The following TLL1 variants were observed in gnomAD, a reference collection of about 807,000 sequenced individuals.
TLL1 encodes tolloid-like protein 1.
TLL1 carries 49 observed loss-of-function variants against 128.2 expected under a neutral mutation model. The ratio of observed to expected loss-of-function variants is 0.38; its 90% confidence interval spans 0.30 to 0.48. The LOEUF (loss-of-function observed/expected upper bound fraction) is 0.48, where lower values mean the gene tolerates loss of function less well. Among genes scored for constraint, TLL1 ranks in the 20% least tolerant of loss-of-function variants. TLL1 has a pLI of 0.96. For synonymous variants in TLL1, 454 were observed against 418.8 expected, an observed-to-expected ratio of 1.08 and a Z score of -1.03; for missense variants, 1,123 against 1,242.0, an observed-to-expected ratio of 0.90 and a Z score of 1.44.
chr4:165,955,176 T>C (rs899674744), intron 1 of TLL1, among the ~76,000 whole-genome samples: 1 of 151,918 alleles, frequency 6.6e-6, no homozygotes, highest in African/African-American at 2.4e-5. Flanking sequence ...AAAAGAATCT[T>C]GGAGCTTGCA....
intron 16 of TLL1, among the ~76,000 whole-genome samples, chr4:166,072,895 T>A (rs1324168543): frequency 6.6e-6 from 1 of 152,100 alleles, no homozygotes; most frequent in Non-Finnish European, 1.5e-5. Flanking sequence ...ATTAGTCAAT[T>A]GCAAATGTGA....
At chr4:166,093,292 G>C (rs112557753) in intron 19 of TLL1, among the ~76,000 whole-genome samples, 18 of 152,206 alleles carry the variant, frequency 1.2e-4, no homozygotes, top group Admixed American at 3.3e-4. Flanking sequence ...TAGGAGAGCA[G>C]GGTGATAATA....
At chr4:165,931,798 G>A (rs901455264) in intron 1 of TLL1, among the ~76,000 whole-genome samples, 49 of 152,054 alleles carry the variant, frequency 3.2e-4, no homozygotes, top group African/African-American at 1.2e-3. Context: ...CTCATTTCAC[G>A]ATACCACACT....
intron 5 of TLL1, among the ~76,000 whole-genome samples, chr4:166,001,937 A>G (rs1737183200): frequency 6.6e-6 from 1 of 152,224 alleles, no homozygotes; most frequent in Admixed American, 6.5e-5. Context: ...TAAAAAATCA[A>G]TCTCAATTAT....
chr4:165,919,840 C>T, intron 1 of TLL1: 1 of 455,972 alleles, frequency 2.2e-6, no homozygotes, highest in Non-Finnish European at 4.4e-6. Flanking sequence ...CCAGACTGAC[C>T]ACTGCTCTAA....
chr4:166,006,586 G>T (rs1054589845), intron 6 of TLL1, among the ~76,000 whole-genome samples: 4 of 151,628 alleles, frequency 2.6e-5, no homozygotes, highest in Non-Finnish European at 4.4e-5. Flanking sequence ...TGTTATATTA[G>T]ACTTCAGATT....
intron 13 of TLL1, among the ~76,000 whole-genome samples, chr4:166,056,462 TG>T (rs1351280317): frequency 6.6e-6 from 1 of 151,816 alleles, no homozygotes; most frequent in East Asian, 1.9e-4. Context: ...TTTATTAAAA[TG>T]GGGTTATCAT....
intron 12 of TLL1, chr4:166,044,525 A>G (rs2111096303): frequency 3.7e-6 from 4 of 1,092,694 alleles, no homozygotes; most frequent in African/African-American, 1.6e-5. Context: ...AAAAAAATAT[A>G]TACTTTCTAC....
intron 1 of TLL1, among the ~76,000 whole-genome samples, chr4:165,984,891 C>A (rs1057246322): frequency 2.0e-5 from 3 of 151,832 alleles, no homozygotes; most frequent in Non-Finnish European, 2.9e-5. Context: ...AATATTTATT[C>A]TTGGAATAGT....
chr4:165,983,224 C>T (rs1374022654), intron 1 of TLL1, among the ~76,000 whole-genome samples: 1 of 151,772 alleles, frequency 6.6e-6, no homozygotes, highest in Admixed American at 6.6e-5. Flanking sequence ...TTAAAAATGT[C>T]CTGAGAAATC....
At chr4:165,945,858 G>A (rs1218387635) in intron 1 of TLL1, among the ~76,000 whole-genome samples, 4 of 152,074 alleles carry the variant, frequency 2.6e-5, no homozygotes, top group African/African-American at 9.7e-5. Flanking sequence ...GCTCTGAAGG[G>A]ACTCTGCAGA....
intron 6 of TLL1, among the ~76,000 whole-genome samples, chr4:166,005,613 G>A (rs996307348): frequency 4.6e-5 from 7 of 151,746 alleles, no homozygotes; most frequent in Admixed American, 2.0e-4. Flanking sequence ...TGAATGAGCC[G>A]ACTATCAAGA....
chr4:165,939,048 A>T (rs1384725492), intron 1 of TLL1, among the ~76,000 whole-genome samples: 2 of 150,890 alleles, frequency 1.3e-5, no homozygotes, highest in Non-Finnish European at 3.0e-5. Flanking sequence ...CAGCTATCTG[A>T]TGGTTCTTAA....
Position 165,894,842 on chromosome 4 carries a change from AGTGTGT to A in TLL1, c.169+20800_169+20805del, listed in dbSNP as rs34248657. ...GAATGCTAGATTTTGTCAAATGATGAGTGTGTGTGTGTGTGTGTGTGTGTGTGTGTG... is the reference window on the plus strand; with the variant it reads ...GAATGCTAGATTTTGTCAAATGATGAGTGTGTGTGTGTGTGTGTGTGTGTG... On this transcript the variant is annotated intron_variant, in intron 1 of 20. Coordinates refer to ENST00000061240, the MANE Select transcript of TLL1 (RefSeq NM_012464.5). Among the ~76,000 whole-genome samples the A allele has an allele frequency of 8.8e-3, 1,246 of 142,074 alleles. 8 individuals are homozygous for A. The highest frequency in any genetic ancestry group is 0.044 in the East Asian group (217 of 4,906). The allele number at this position is 142,074 out of a possible 152,430, so 93.2% of individuals were successfully genotyped here.
intron 1 of TLL1, among the ~76,000 whole-genome samples, chr4:165,930,815 A>G (rs12506849): frequency 0.18 from 27,717 of 152,174 alleles, 3,316 homozygotes; most frequent in East Asian, 0.41. Flanking sequence ...CAATTGTTTA[A>G]ATAATGTCAA....
At chr4:166,071,360 G>C (rs529685234) in intron 16 of TLL1, among the ~76,000 whole-genome samples, 24 of 151,916 alleles carry the variant, frequency 1.6e-4, no homozygotes, top group African/African-American at 5.5e-4. Context: ...TTTTCCTAAT[G>C]ATGGGCCTTT....
At chr4:166,014,768 G>A (rs1281586827) in intron 8 of TLL1, among the ~76,000 whole-genome samples, 2 of 151,956 alleles carry the variant, frequency 1.3e-5, no homozygotes, top group Admixed American at 6.6e-5. Flanking sequence ...TGAAATCAAA[G>A]TTCAAACACA....
chr4:166,098,355 A>C (rs898203170), intron 19 of TLL1, among the ~76,000 whole-genome samples: 1 of 142,036 alleles, frequency 7.0e-6, no homozygotes, highest in Non-Finnish European at 1.5e-5. Context: ...AAAAAAAAAA[A>C]GCTTTGGGGC....
At chr4:165,929,718 T>C (rs999416276) in intron 1 of TLL1, among the ~76,000 whole-genome samples, 2 of 152,208 alleles carry the variant, frequency 1.3e-5, no homozygotes, top group African/African-American at 4.8e-5. Flanking sequence ...GAAATCTGAC[T>C]TCTATTTCTA....
Sources: allele counts gnomAD v4.1 joint callset (sites outside exome capture counted in the v4.1 genomes callset), GRCh38; gene constraint gnomAD v4.1.1; transcripts MANE v1.5; gene names NCBI Gene and HGNC (gene_info 2026-07-23, HGNC 2026-07-21).